TNFRSF10B: variants seen among roughly 807,000 people sequenced by gnomAD.
TNFRSF10B encodes tumor necrosis factor receptor superfamily member 10B.
A neutral mutation model predicts 41.4 loss-of-function variants in TNFRSF10B; 35 were observed. That is an observed-to-expected ratio of 0.85 (90% CI 0.65 to 1.12). The LOEUF is 1.12. Among genes scored for constraint, TNFRSF10B ranks in the 50% most tolerant of loss-of-function variants. The pLI, the probability that TNFRSF10B is intolerant of heterozygous loss-of-function variation, is 0.00. For missense variants in TNFRSF10B, 584 were observed against 552.7 expected, an observed-to-expected ratio of 1.06 and a Z score of -0.57; for synonymous variants, 230 against 215.5, an observed-to-expected ratio of 1.07 and a Z score of -0.59.
rs777235097 is a variant in TNFRSF10B at position 23,068,853 on chromosome 8, G to A, written c.42C>T (p.Ala14=). ...TGGGTCCTGGGCCGTGCCTTTTCCG[G>A]GCCCCCGAAGCGGCCGGGGCGTTCT... The part of the protein sequence containing the change: ...RGQNAPAASG[A]RKRHGPGPRE... The change falls in exon 1 of 9, where the codon GCC becomes GCT. Residue 14 remains alanine (A), a synonymous_variant. Transcript: ENST00000276431. 5.6e-6 allele frequency: 9 copies of A among 1,613,308 alleles called. No individual in the cohort carries two copies. In the South Asian group the frequency reaches 6.6e-5, roughly 12 times the overall value.
At chr8:23,033,442 C>G (rs1811937030) in intron 2 of TNFRSF10B, among the ~76,000 whole-genome samples, 1 of 151,758 alleles carries the variant, frequency 6.6e-6, no homozygotes, top group Non-Finnish European at 1.5e-5. Flanking sequence ...AAAAAATTAG[C>G]CGGGCGAGGT....
At chr8:23,058,831 T>C (rs1221756993) in intron 1 of TNFRSF10B, among the ~76,000 whole-genome samples, 1 of 152,196 alleles carries the variant, frequency 6.6e-6, no homozygotes. Flanking sequence ...TTATGTGTAA[T>C]TGTTATAGTG....
In TNFRSF10B at chr8:23,022,074, CAT is replaced by C. The variant is rs1321777381; in HGVS notation, c.*595_*596del. On this transcript the variant is annotated 3_prime_UTR_variant, in exon 9 of 9. Coordinates refer to ENST00000276431, the MANE Select transcript of TNFRSF10B (RefSeq NM_003842.5). ...AGGAATTCGAGACCACCCTGAGCAACATAGAGAGCCCCTATATCTAGACAAAA... is the reference window on the plus strand; with the variant it reads ...AGGAATTCGAGACCACCCTGAGCAACAGAGAGCCCCTATATCTAGACAAAA... 2.3e-6 allele frequency: 1 copy of C among 436,142 alleles called. No individual in the cohort carries two copies. Among genetic ancestry groups the C allele is most frequent in the Non-Finnish European group, 4.6e-6 (1 of 218,960 alleles). The allele number at this position is 436,142 out of a possible 1,614,324, so 27.0% of individuals were successfully genotyped here.
At chr8:23,038,705 G>A (rs895589524) in intron 2 of TNFRSF10B, among the ~76,000 whole-genome samples, 5 of 152,184 alleles carry the variant, frequency 3.3e-5, no homozygotes, top group Non-Finnish European at 7.4e-5. Context: ...CAGGATAGCT[G>A]TATTATGTTA....
At chr8:23,067,773 C>T (rs1315770937) in intron 1 of TNFRSF10B, among the ~76,000 whole-genome samples, 1 of 152,196 alleles carries the variant, frequency 6.6e-6, no homozygotes, top group Non-Finnish European at 1.5e-5. Flanking sequence ...TAGGTCAACA[C>T]CAGCATTCTC....
Position 23,022,362 on chromosome 8 carries a change from TTTACA to T in TNFRSF10B, c.*304_*308del, listed in dbSNP as rs778285367. On this transcript the variant is annotated 3_prime_UTR_variant, in exon 9 of 9. Coordinates refer to ENST00000276431, the MANE Select transcript of TNFRSF10B (RefSeq NM_003842.5). ...GTAGCCCAAATAAATAAATAAAGCA[TTTACA>T]TTAGGATAAAAAAGTGCTGTGAAAA... 2.0e-6 allele frequency: 1 copy of T among 504,738 alleles called. No homozygotes were observed. Among genetic ancestry groups the T allele is most frequent in the Non-Finnish European group, 3.8e-6 (1 of 260,768 alleles). The allele number at this position is 504,738 out of a possible 1,614,324, so 31.3% of individuals were successfully genotyped here. A position where few individuals can be genotyped will look rare whatever the true frequency, so the allele number is the denominator to read the frequency against.
chr8:23,034,824 C>A (rs1269578608), intron 2 of TNFRSF10B, among the ~76,000 whole-genome samples: 4 of 152,238 alleles, frequency 2.6e-5, no homozygotes, highest in Admixed American at 6.5e-5. Flanking sequence ...CCATCACATG[C>A]CCATTGAACT....
At chr8:23,064,207 A>T (rs1470425369) in intron 1 of TNFRSF10B, among the ~76,000 whole-genome samples, 1 of 152,256 alleles carries the variant, frequency 6.6e-6, no homozygotes, top group Non-Finnish European at 1.5e-5. Context: ...CATCGGTGGC[A>T]GGGACAGTAG....
chr8:23,048,369 G>C (rs1812422790), intron 1 of TNFRSF10B, among the ~76,000 whole-genome samples: 1 of 151,114 alleles, frequency 6.6e-6, no homozygotes, highest in Non-Finnish European at 1.5e-5. Context: ...CCGGGAGGCG[G>C]AGGTTGCAGT....
chr8:23,044,019 G>A (rs763341213), intron 1 of TNFRSF10B, among the ~76,000 whole-genome samples: 21 of 152,328 alleles, frequency 1.4e-4, no homozygotes, highest in Non-Finnish European at 2.9e-4. Context: ...TGTGGTGCAT[G>A]ACTGTATATG....
At position 23,056,595 on chromosome 8, in the gene TNFRSF10B, G is replaced by A. The variant is rs544232358; in HGVS notation, c.144+12156C>T. On this transcript the variant is annotated intron_variant, in intron 1 of 8. Transcript: ENST00000276431. ...GAACCAGGGAGGTGGAGGTTACAAT[G>A]AGCCAAGATTGTGCCACTGCATTCT... Among the ~76,000 whole-genome samples, 3 of 150,716 alleles carry A rather than the reference G, an allele frequency of 2.0e-5. No individual in the cohort carries two copies. In the South Asian group the frequency reaches 6.3e-4, roughly 31 times the overall value.
At chr8:23,033,668 G>A (rs868553114) in intron 2 of TNFRSF10B, among the ~76,000 whole-genome samples, 8 of 143,310 alleles carry the variant, frequency 5.6e-5, no homozygotes, top group South Asian at 2.3e-4. Context: ...ATGCTGGTAC[G>A]CAGCTACTTA....
At chr8:23,066,713 C>T (rs1038642426) in intron 1 of TNFRSF10B, among the ~76,000 whole-genome samples, 4 of 151,452 alleles carry the variant, frequency 2.6e-5, no homozygotes, top group South Asian at 2.1e-4. Flanking sequence ...CTGGCTAACA[C>T]GGTGAAACCC....
At chr8:23,028,917 G>A (rs1233275533) in intron 4 of TNFRSF10B, among the ~76,000 whole-genome samples, 1 of 152,242 alleles carries the variant, frequency 6.6e-6, no homozygotes, top group African/African-American at 2.4e-5. Flanking sequence ...CACTCCAGGG[G>A]AAGGTCACAA....
rs151219328 is a variant in TNFRSF10B, at chr8:23,043,091, A to C, written c.250+47T>G. 402 of 1,546,996 alleles carry C rather than the reference A, an allele frequency of 2.6e-4. No individual in the cohort carries two copies. The African/African-American group carries it at 4.7e-3, about 18-fold the overall frequency. Reference sequence around the variant, plus strand: ...AAGGAAACAGACTGGAAGCTCATGGAGACAAGGGGAGGAGGGGCAAGGATT... The same window carrying C: ...AAGGAAACAGACTGGAAGCTCATGGCGACAAGGGGAGGAGGGGCAAGGATT... On this transcript the variant is annotated intron_variant, in intron 2 of 8. Coordinates refer to ENST00000276431, the MANE Select transcript of TNFRSF10B (RefSeq NM_003842.5).
intron 5 of TNFRSF10B, 41 bp from the exon 6 acceptor site, chr8:23,027,794 C>T: frequency 6.2e-7 from 1 of 1,613,290 alleles, no homozygotes; most frequent in Non-Finnish European, 8.5e-7. Flanking sequence ...GGGAGGGGCC[C>T]ATGAAGCACC....
chr8:23,031,015 T>C, intron 2 of TNFRSF10B, 143 bp from the exon 3 acceptor site: 1 of 681,582 alleles, frequency 1.5e-6, no homozygotes, highest in Non-Finnish European at 2.7e-6. Context: ...AGTTCATCAA[T>C]TCTGCATTTA....
At chr8:23,047,895 A>G (rs1236084565) in intron 1 of TNFRSF10B, among the ~76,000 whole-genome samples, 1 of 152,254 alleles carries the variant, frequency 6.6e-6, no homozygotes, top group Non-Finnish European at 1.5e-5. Flanking sequence ...TCAAGGAGAT[A>G]TCTGCACTTC....
At chr8:23,023,098 C>A in intron 8 of TNFRSF10B, 114 bp from the exon 9 acceptor site, 1 of 1,350,160 alleles carries the variant, frequency 7.4e-7, no homozygotes, top group Non-Finnish European at 1.0e-6. Flanking sequence ...CGTGTGCGGG[C>A]AAACCTGCCG....
Sources: allele counts gnomAD v4.1 joint callset (sites outside exome capture counted in the v4.1 genomes callset), GRCh38; gene constraint gnomAD v4.1.1; transcripts MANE v1.5; gene names NCBI Gene and HGNC (gene_info 2026-07-23, HGNC 2026-07-21).